Variants in SLC39A1 observed in about 807,000 individuals in gnomAD.
SLC39A1 encodes the protein zinc transporter ZIP1.
SLC39A1 carries 17 observed loss-of-function variants against 21.4 expected under a neutral mutation model. That is an observed-to-expected ratio of 0.79 (90% CI 0.54 to 1.19). The LOEUF is 1.19. Ranked by LOEUF, SLC39A1 falls within the 50% of genes most tolerant of loss-of-function variation. The pLI is 0.00. For missense variants in SLC39A1, 343 were observed against 399.8 expected (o/e 0.86, Z 1.21); for synonymous variants, 183 against 185.9 (o/e 0.98, Z 0.13).
chr1:153,962,416 C>T (rs1211179848), intron 2 of SLC39A1, 66 bp from the exon 3 acceptor site: 3 of 1,585,768 alleles, frequency 1.9e-6, no homozygotes, highest in Admixed American at 3.5e-5. Context: ...ACCACCCCAA[C>T]CCAAACAATG....
In SLC39A1 at chr1:153,960,217, T is replaced by C. The variant is rs1331866640; in HGVS notation, c.856A>G (p.Ile286Val). 1 of 1,614,202 alleles carries C rather than the reference T, an allele frequency of 6.2e-7. No homozygotes were observed. The highest frequency in any genetic ancestry group is 1.1e-5 in the South Asian group (1 of 91,086). Residue 286 changes from isoleucine (I) to valine (V), a missense_variant, in exon 4 of 4, where the codon ATC becomes GTC. Transcript: ENST00000356205. The stretch of plus-strand genomic sequence containing the variant: ...TGGGGCAGGATTTCCAGAAAGGTGA[T>C]ATAGAGAAAGGTGCCAGCTGCCATG... ...EGMAAGTFLYITFLEILPQEL... is the reference protein window; with the variant it reads ...EGMAAGTFLYVTFLEILPQEL...
At chr1:153,962,145 C>A in intron 3 of SLC39A1, 75 bp downstream of exon 3, 2 of 1,548,720 alleles carry the variant, frequency 1.3e-6, no homozygotes, top group South Asian at 2.4e-5. Flanking sequence ...GCACATGAAT[C>A]AATCTCCACA....
At position 153,960,103 on chromosome 1, in the gene SLC39A1, T is replaced by G. The variant is rs762126407; in HGVS notation, c.970A>C (p.Ile324Leu). Residue 324 changes from isoleucine (I) to leucine (L), a missense_variant, in exon 4 of 4, where the codon ATC becomes CTC. Physicochemically the swap from Ile to Leu is conservative, Grantham distance 5 (BLOSUM62 2). Coordinates refer to ENST00000356205, the MANE Select transcript of SLC39A1 (RefSeq NM_001271958.2). ...TGCCCCTCTCTTGAAGCCCCCTAGA[T>G]TTGGATGAAGAGCAGGCCAGTGAGC... ...ALLTGLLFIQ[I>L] 11 of 1,601,398 alleles carry G rather than the reference T, an allele frequency of 6.9e-6. No individual in the cohort carries two copies. The highest frequency in any genetic ancestry group is 8.5e-6 in the Non-Finnish European group (10 of 1,172,324).
At chr1:153,961,618 C>T (rs555900649) in intron 3 of SLC39A1, among the ~76,000 whole-genome samples, 7 of 152,302 alleles carry the variant, frequency 4.6e-5, no homozygotes, top group South Asian at 4.1e-4. Context: ...CGCAGTCACA[C>T]GGAAACACAG....
rs1647245346 is a variant in SLC39A1, at chr1:153,959,711, G to GAC, written c.*385_*386dup. 1 of 241,154 alleles carries GAC rather than the reference G, an allele frequency of 4.1e-6. No homozygotes were observed. The highest frequency in any genetic ancestry group is 4.9e-5 in the Admixed American group (1 of 20,328). The allele number at this position is 241,154 out of a possible 1,614,324, so 14.9% of individuals were successfully genotyped here. ...TGCTGAAATGGGCTAGGACCAACAGGACACTGACTCTAGGTTTATGACCTG... is the reference window on the plus strand; with the variant it reads ...TGCTGAAATGGGCTAGGACCAACAGGACACACTGACTCTAGGTTTATGACCTG... On this transcript the variant is annotated 3_prime_UTR_variant, in exon 4 of 4. Transcript: ENST00000356205.
Position 153,959,581 on chromosome 1 carries a change from A to G in SLC39A1, c.*517T>C. 1 of 307,858 alleles carries G rather than the reference A, an allele frequency of 3.2e-6. No individual in the cohort carries two copies. 19.1% of individuals were successfully genotyped at this position (307,858 alleles called of 1,614,324 possible). On this transcript the variant is annotated 3_prime_UTR_variant, in exon 4 of 4. Coordinates refer to ENST00000356205, the MANE Select transcript of SLC39A1 (RefSeq NM_001271958.2). ...GGCCAGAGAAGATACCAAAATTGGC[A>G]GGGAGAGACCATTTGGCGCCAGTCC... is the stretch of plus-strand genomic sequence containing the variant.
chr1:153,965,801 G>T (rs1421211351), upstream of SLC39A1, among the ~76,000 whole-genome samples: 1 of 151,920 alleles, frequency 6.6e-6, no homozygotes, highest in Non-Finnish European at 1.5e-5. Context: ...TGACCAGGCT[G>T]GTCTTGAACT....
chr1:153,962,090 C>T, intron 3 of SLC39A1, 130 bp downstream of exon 3: 1 of 1,362,738 alleles, frequency 7.3e-7, no homozygotes, highest in Non-Finnish European at 9.9e-7. Flanking sequence ...CCAAAAATCA[C>T]AATTCATACC....
chr1:153,962,106 C>T (rs1347042267), intron 3 of SLC39A1, 114 bp downstream of exon 3: 3 of 1,450,456 alleles, frequency 2.1e-6, no homozygotes, highest in African/African-American at 2.9e-5. Context: ...ATACCACATG[C>T]CAAAAGTCTT....
chr1:153,963,562 C>T (rs1647621689), upstream of SLC39A1: 1 of 152,930 alleles, frequency 6.5e-6, no homozygotes, highest in South Asian at 2.0e-4. Context: ...CCGCCCCCTC[C>T]CATAGCTCCC....
At position 153,959,239 on chromosome 1, in the gene SLC39A1, T is replaced by G; in HGVS notation, c.*859A>C. ...ATAACGCTGGGGGTAGGCATTGCCC[T>G]TCCCCCTTGGGCTCCTCGGGTGTAT... is the stretch of plus-strand genomic sequence containing the variant. On this transcript the variant is annotated 3_prime_UTR_variant, in exon 4 of 4. Transcript: ENST00000356205. 2 of 399,060 alleles carry G rather than the reference T, an allele frequency of 5.0e-6. No individual in the cohort carries two copies. The highest frequency in any genetic ancestry group is 8.8e-5 in the Admixed American group (2 of 22,740). 24.7% of individuals were successfully genotyped at this position (399,060 alleles called of 1,614,324 possible).
At chr1:153,962,887 C>T in intron 1 of SLC39A1, 140 bp from the exon 2 acceptor site, 1 of 570,722 alleles carries the variant, frequency 1.8e-6, no homozygotes, top group Non-Finnish European at 3.0e-6. Context: ...GACTCATCTA[C>T]TCCTGTACCA....
In SLC39A1 at chr1:153,959,243, C is replaced by G. The variant is rs1557875011; in HGVS notation, c.*855G>C. The G allele has an allele frequency of 5.0e-6, 2 of 398,940 alleles. No individual in the cohort carries two copies. Among genetic ancestry groups the G allele is most frequent in the Non-Finnish European group, 8.8e-6 (2 of 226,080 alleles). 24.7% of individuals were successfully genotyped at this position (398,940 alleles called of 1,614,324 possible). On this transcript the variant is annotated 3_prime_UTR_variant, in exon 4 of 4. Transcript: ENST00000356205. The stretch of plus-strand genomic sequence containing the variant: ...CGCTGGGGGTAGGCATTGCCCTTCC[C>G]CCTTGGGCTCCTCGGGTGTATTTAA...
chr1:153,967,637 G>A (rs1298044168), upstream of SLC39A1: 2 of 151,252 alleles, frequency 1.3e-5, no homozygotes, highest in Non-Finnish European at 1.5e-5. Context: ...GGGCAACAGA[G>A]CGAGACCCTG....
In SLC39A1 at chr1:153,962,201, T is replaced by A. The variant is rs781441080; in HGVS notation, c.318+19A>T. 3.7e-6 allele frequency: 6 copies of A among 1,609,100 alleles called. No individual in the cohort carries two copies. The South Asian group carries it at 6.6e-5, about 18-fold the overall frequency. On this transcript the variant is annotated intron_variant, in intron 3 of 3. Transcript: ENST00000356205. ...TGTGATTCCCCTCCCGCAAGTCACA[T>A]GCCCAGGCCAGTGCTCACCGTCACG...
Position 153,959,214 on chromosome 1 carries a change from A to G in SLC39A1, c.*884T>C. 2.5e-6 allele frequency: 1 copy of G among 398,994 alleles called. No individual in the cohort carries two copies. The highest frequency in any genetic ancestry group is 4.4e-6 in the Non-Finnish European group (1 of 226,042). The allele number at this position is 398,994 out of a possible 1,614,324, so 24.7% of individuals were successfully genotyped here. On this transcript the variant is annotated 3_prime_UTR_variant, in exon 4 of 4. Transcript: ENST00000356205. ...TATGCACAGCCCTCCCTCCCCAAAA[A>G]TAACGCTGGGGGTAGGCATTGCCCT...
chr1:153,959,972 C>T lies in SLC39A1; in HGVS notation c.*126G>A, dbSNP rs1182442482. 1 of 1,145,112 alleles carries T rather than the reference C, an allele frequency of 8.7e-7. No homozygotes were observed. Among genetic ancestry groups the T allele is most frequent in the South Asian group, 1.6e-5 (1 of 62,670 alleles). 70.9% of individuals were successfully genotyped at this position (1,145,112 alleles called of 1,614,324 possible). ...AGCCCCAAAGGCTCTATCTTTAGCTCCCAGAGAACTTTTTGGTCCTCAGTA... is the reference window on the plus strand; with the variant it reads ...AGCCCCAAAGGCTCTATCTTTAGCTTCCAGAGAACTTTTTGGTCCTCAGTA... On this transcript the variant is annotated 3_prime_UTR_variant, in exon 4 of 4. Coordinates refer to ENST00000356205, the MANE Select transcript of SLC39A1 (RefSeq NM_001271958.2).
upstream of SLC39A1, chr1:153,966,979 AG>A (rs1224796676): frequency 1.3e-5 from 2 of 152,258 alleles, no homozygotes; most frequent in African/African-American, 4.8e-5. Flanking sequence ...GCCTCCTCAT[AG>A]GTAAAATTTG....
rs1647307930 is a variant in SLC39A1, at chr1:153,960,340, G to A, written c.733C>T (p.Leu245Phe). 2 of 1,613,914 alleles carry A rather than the reference G, an allele frequency of 1.2e-6. No homozygotes were observed. The highest frequency in any genetic ancestry group is 1.3e-5 in the African/African-American group (1 of 74,940). The change falls in exon 4 of 4, where the codon CTC becomes TTC. Residue 245 changes from leucine (L) to phenylalanine (F), a missense_variant. Leu to Phe is a conservative substitution (Grantham distance 22). Coordinates refer to ENST00000356205, the MANE Select transcript of SLC39A1 (RefSeq NM_001271958.2). ...RAQVVAGCGI[L>F]FSCMTPLGIG... ...CCTAGAGGTGTCATGCATGAGAAGA[G>A]GATCCCACAGCCAGCCACCACCTGT...
Sources: gnomAD v4.1 joint callset for allele counts (sites outside exome capture counted in the v4.1 genomes callset) on GRCh38, gnomAD v4.1.1 for gene constraint, MANE v1.5 for transcripts, NCBI Gene and HGNC (gene_info 2026-07-23, HGNC 2026-07-21) for gene names.